The following DLG2 variants were observed in gnomAD, a reference collection of about 807,000 sequenced individuals.
DLG2 encodes disks large homolog 2.
A neutral mutation model predicts 132.5 loss-of-function variants in DLG2; 45 were observed. That is an observed-to-expected ratio of 0.34 (90% CI 0.27 to 0.44). The LOEUF (loss-of-function observed/expected upper bound fraction) is 0.44, where lower values mean the gene tolerates loss of function less well. Ranked by LOEUF, DLG2 falls within the 20% of genes least tolerant of loss-of-function variation. The pLI is 1.00. For synonymous variants in DLG2, 424 were observed against 419.6 expected, an observed-to-expected ratio of 1.01 and a Z score of -0.13; for missense variants, 1,045 against 1,196.9, an observed-to-expected ratio of 0.87 and a Z score of 1.87.
intron 6 of DLG2, among the ~76,000 whole-genome samples, chr11:84,868,465 T>C (rs543672649): frequency 8.2e-4 from 125 of 152,330 alleles, no homozygotes; most frequent in African/African-American, 2.8e-3. Context: ...TTTTGGCTTT[T>C]GAGTTTTAAA....
At chr11:84,791,737 T>G (rs1001478692) in intron 6 of DLG2, among the ~76,000 whole-genome samples, 1 of 152,214 alleles carries the variant, frequency 6.6e-6, no homozygotes, top group African/African-American at 2.4e-5. Flanking sequence ...TTTCTGATTG[T>G]TCAGTGTTGC....
At chr11:84,265,063 T>C (rs1463619126) in intron 7 of DLG2, among the ~76,000 whole-genome samples, 1 of 152,214 alleles carries the variant, frequency 6.6e-6, no homozygotes, top group East Asian at 1.9e-4. Context: ...ATTTAAGATC[T>C]TTCTCCTCAC....
intron 7 of DLG2, among the ~76,000 whole-genome samples, chr11:84,388,918 T>C (rs1289660090): frequency 6.6e-6 from 1 of 152,130 alleles, no homozygotes; most frequent in Non-Finnish European, 1.5e-5. Context: ...ACTCTCAGAG[T>C]ATCCAGTTTT....
At chr11:83,499,287 T>C (rs2094320672) in intron 21 of DLG2, among the ~76,000 whole-genome samples, 1 of 152,158 alleles carries the variant, frequency 6.6e-6, no homozygotes, top group Admixed American at 6.5e-5. Flanking sequence ...CTTATAAACA[T>C]AATGACAAAA....
intron 6 of DLG2, among the ~76,000 whole-genome samples, chr11:84,813,581 C>G (rs1443657325): frequency 6.6e-6 from 1 of 152,026 alleles, no homozygotes; most frequent in East Asian, 1.9e-4. Context: ...GTGTGGGACT[C>G]AAAGATATGT....
chr11:83,559,112 T>C (rs552088674), intron 19 of DLG2, among the ~76,000 whole-genome samples: 2 of 152,120 alleles, frequency 1.3e-5, no homozygotes, highest in African/African-American at 4.8e-5. Flanking sequence ...GAAGAATGAA[T>C]ACAAGTTGGC....
chr11:84,479,023 T>A (rs191654941), intron 7 of DLG2, among the ~76,000 whole-genome samples: 41 of 152,186 alleles, frequency 2.7e-4, no homozygotes, highest in African/African-American at 9.9e-4. Context: ...TTCTAAGAAA[T>A]AAGAACCATG....
chr11:83,751,117 G>A (rs2093277910), intron 18 of DLG2, among the ~76,000 whole-genome samples: 1 of 152,212 alleles, frequency 6.6e-6, no homozygotes, highest in African/African-American at 2.4e-5. Context: ...TGTATACTGT[G>A]GAGGCAGAAA....
chr11:84,363,353 GGTT>G (rs2098662286), intron 7 of DLG2, among the ~76,000 whole-genome samples: 1 of 151,516 alleles, frequency 6.6e-6, no homozygotes, highest in South Asian at 2.1e-4. Context: ...TTTTTGATGG[GGTT>G]GTTGGTTTTT....
intron 4 of DLG2, among the ~76,000 whole-genome samples, chr11:85,267,070 A>G (rs1194175490): frequency 1.3e-5 from 2 of 152,240 alleles, no homozygotes; most frequent in Non-Finnish European, 2.9e-5. Flanking sequence ...TATCCCTTCA[A>G]AATTCATATG....
chr11:84,036,814 G>C (rs1402858194), intron 11 of DLG2, among the ~76,000 whole-genome samples: 1 of 152,112 alleles, frequency 6.6e-6, no homozygotes, highest in Non-Finnish European at 1.5e-5. Flanking sequence ...TTCTGTGAAT[G>C]AATACAGACT....
intron 8 of DLG2, among the ~76,000 whole-genome samples, chr11:84,176,854 C>A (rs1420250828): frequency 1.3e-5 from 2 of 151,998 alleles, no homozygotes; most frequent in African/African-American, 4.8e-5. Flanking sequence ...CTCACTGCTG[C>A]TTGCTTGCTT....
chr11:84,656,346 A>G (rs1212496524), intron 6 of DLG2, among the ~76,000 whole-genome samples: 1 of 152,180 alleles, frequency 6.6e-6, no homozygotes, highest in African/African-American at 2.4e-5. Flanking sequence ...GGAAACAAAA[A>G]TCACCATATA....
intron 3 of DLG2, among the ~76,000 whole-genome samples, chr11:85,435,337 A>G (rs1054398500): frequency 1.3e-5 from 2 of 152,148 alleles, no homozygotes; most frequent in Non-Finnish European, 1.5e-5. Flanking sequence ...AAATAAATAA[A>G]CGGTACTCAA....
intron 2 of DLG2, among the ~76,000 whole-genome samples, chr11:85,602,871 G>T (rs1431714943): frequency 6.6e-6 from 1 of 152,082 alleles, no homozygotes; most frequent in Non-Finnish European, 1.5e-5. Context: ...TATCCATAAA[G>T]CTTGCTCCTT....
At chr11:85,230,291 C>G (rs890164221) in intron 4 of DLG2, among the ~76,000 whole-genome samples, 6 of 151,824 alleles carry the variant, frequency 4.0e-5, no homozygotes, top group African/African-American at 1.5e-4. Context: ...TACCCACATG[C>G]TCACAATTTT....
At chr11:83,852,975 T>C (rs1020889756) in intron 16 of DLG2, among the ~76,000 whole-genome samples, 10 of 152,204 alleles carry the variant, frequency 6.6e-5, no homozygotes, top group Non-Finnish European at 1.3e-4. Context: ...AAGTTATTCA[T>C]TAACTATTTC....
At chr11:83,631,076 T>C (rs1439915464) in intron 19 of DLG2, 1 of 151,726 alleles carries the variant, frequency 6.6e-6, no homozygotes, top group Non-Finnish European at 1.5e-5. Flanking sequence ...TGTATGAAAA[T>C]CCTGTAGCCA....
chr11:85,386,100 A>G (rs2152937538), intron 3 of DLG2, among the ~76,000 whole-genome samples: 1 of 152,334 alleles, frequency 6.6e-6, no homozygotes, highest in African/African-American at 2.4e-5. Flanking sequence ...GTGATCCACA[A>G]ACTTGAATAT....
Sources: allele counts gnomAD v4.1 joint callset (sites outside exome capture counted in the v4.1 genomes callset), GRCh38; gene constraint gnomAD v4.1.1; transcripts MANE v1.5; gene names NCBI Gene and HGNC (gene_info 2026-07-23, HGNC 2026-07-21).